Variants in MICA observed in about 807,000 individuals in gnomAD.
MICA encodes the protein HLA class I antigen.
In MICA, 18 loss-of-function variants were observed where a neutral mutation model predicts 34.3. The observed-to-expected ratio is 0.52, with a 90% CI of 0.36 to 0.78. The LOEUF (loss-of-function observed/expected upper bound fraction) is 0.78, where lower values mean the gene tolerates loss of function less well. Ranked by LOEUF, MICA falls within the 30% of genes least tolerant of loss-of-function variation. The pLI is 0.00. For missense variants in MICA, 333 were observed against 409.4 expected (o/e 0.81, Z 1.61); for synonymous variants, 135 against 156.9 (o/e 0.86, Z 1.04).
intron 5 of MICA, among the ~76,000 whole-genome samples, chr6:31,413,964 T>C (rs1771359694): frequency 6.6e-6 from 1 of 152,086 alleles, no homozygotes; most frequent in Non-Finnish European, 1.5e-5. Context: ...GTGAAGCATA[T>C]TATATGAAAC....
At chr6:31,413,068 G>A (rs1208797217) in intron 5 of MICA, among the ~76,000 whole-genome samples, 1 of 151,782 alleles carries the variant, frequency 6.6e-6, no homozygotes, top group African/African-American at 2.4e-5. Flanking sequence ...GGCCATCTCT[G>A]TCCACTTTGC....
intron 2 of MICA, 132 bp from the exon 3 acceptor site, chr6:31,410,940 T>G (rs1771098610): frequency 9.5e-6 from 14 of 1,465,970 alleles, no homozygotes; most frequent in Non-Finnish European, 1.3e-5. Context: ...AGCAGGGAGG[T>G]GAGCCGGCAC....
chr6:31,410,948 C>A (rs1222228168), intron 2 of MICA, 124 bp from the exon 3 acceptor site: 28 of 1,466,464 alleles, frequency 1.9e-5, no homozygotes, highest in Non-Finnish European at 2.5e-5. Flanking sequence ...GGTGAGCCGG[C>A]ACTCAGCCCA....
In MICA at chr6:31,407,638, G is replaced by A. The variant is rs928730718; in HGVS notation, c.71-2905G>A. On this transcript the variant is annotated intron_variant, in intron 1 of 5. Coordinates refer to ENST00000449934, the MANE Select transcript of MICA (RefSeq NM_001177519.3). ...TTTGTAGCTATTGTAAATGGGATTCGTTTCTTGATTTCTTTTTCAGATTAT... is the reference window on the plus strand; with the variant it reads ...TTTGTAGCTATTGTAAATGGGATTCATTTCTTGATTTCTTTTTCAGATTAT... Among the ~76,000 whole-genome samples, 23 of 151,902 alleles carry A rather than the reference G, an allele frequency of 1.5e-4. 1 individual carries two copies. Among genetic ancestry groups the A allele is most frequent in the African/African-American group, 4.6e-4 (19 of 41,286 alleles).
At chr6:31,402,836 G>T (rs939485308), upstream of MICA, among the ~76,000 whole-genome samples, 6 of 151,706 alleles carry the variant, frequency 4.0e-5, no homozygotes, top group Non-Finnish European at 7.4e-5. Flanking sequence ...GGCTGGAAAA[G>T]GGAGTCTGGA....
intron 1 of MICA, among the ~76,000 whole-genome samples, chr6:31,410,304 C>A (rs1771025037): frequency 6.6e-6 from 1 of 151,948 alleles, no homozygotes; most frequent in South Asian, 2.1e-4. Flanking sequence ...TTGTGGCCAC[C>A]CAGTCCTTGC....
chr6:31,412,091 G>C lies in MICA; in HGVS notation c.758G>C (p.Trp253Ser), dbSNP rs72558175. 177 of 1,613,094 alleles carry C rather than the reference G, an allele frequency of 1.1e-4. No individual in the cohort carries two copies. In the African/African-American group the frequency reaches 1.8e-3, roughly 16 times the overall value. ...GVSLSHDTQQ[W>S]GDVLPDGNGT... ...TCTTTGAGCCACGACACCCAGCAGTGGGGGGATGTCCTGCCTGATGGGAAT... is the reference window on the plus strand; with the variant it reads ...TCTTTGAGCCACGACACCCAGCAGTCGGGGGATGTCCTGCCTGATGGGAAT... Residue 253 changes from tryptophan (W) to serine (S), a missense_variant, in exon 4 of 6, where the codon TGG (tryptophan) becomes TCG (serine). By Grantham distance (177) the Trp-to-Ser change is radical. Transcript: ENST00000449934.
At position 31,406,934 on chromosome 6, in the gene MICA, A is replaced by T. The variant is rs1770778315; in HGVS notation, c.70+3232A>T. Reference sequence around the variant, plus strand: ...GTGTGTCTGTTTTTATGCCAGTATCATGCTGTTTTGGTTACTGTAGCTCTG... The same window carrying T: ...GTGTGTCTGTTTTTATGCCAGTATCTTGCTGTTTTGGTTACTGTAGCTCTG... On this transcript the variant is annotated intron_variant, in intron 1 of 5. Transcript: ENST00000449934. Among the ~76,000 whole-genome samples the T allele has an allele frequency of 3.9e-5, 6 of 152,018 alleles. No homozygotes were observed. The South Asian group carries it at 1.2e-3, about 32-fold the overall frequency.
Position 31,411,070 on chromosome 6 carries a change from A to G in MICA, c.326-2A>G. 1 of 1,583,988 alleles carries G rather than the reference A, an allele frequency of 6.3e-7. No homozygotes were observed. Among genetic ancestry groups the G allele is most frequent in the South Asian group, 1.1e-5 (1 of 87,120 alleles). On this transcript the variant is annotated splice_acceptor_variant, in intron 2 of 5. Coordinates refer to ENST00000449934, the MANE Select transcript of MICA (RefSeq NM_001177519.3). LOFTEE classifies it high-confidence loss of function. This position sits in a 1 kb window ranked among gnomAD's most constrained non-coding sequence, Gnocchi z 4.3. ...GGAGAAGTCACTGCTGGGTGGGGGC[A>G]GGCTTGCATTCCCTCCAGGAGATTA...
Position 31,411,163 on chromosome 6 carries a change from C to A in MICA, c.417C>A (p.Leu139=), listed in dbSNP as rs754596138. The change falls in exon 3 of 6, where the codon CTC becomes CTA. Residue 139 remains leucine, a synonymous_variant. Transcript: ENST00000449934. The surrounding 1 kb of genome is among the most constrained non-coding windows in gnomAD (Gnocchi z 4.3). ...SSQHFYYDGE[L]FLSQNLETEE... is the part of the protein sequence containing the mutation. ...AGCATTTCTACTACGATGGGGAGCT[C>A]TTCCTCTCCCAAAACCTGGAGACTG... The A allele has an allele frequency of 6.2e-7, 1 of 1,613,038 alleles. No individual in the cohort carries two copies. Among genetic ancestry groups the A allele is most frequent in the Non-Finnish European group, 8.5e-7 (1 of 1,179,884 alleles).
Position 31,403,830 on chromosome 6 carries a change from C to T in MICA, c.70+128C>T. 2 of 816,834 alleles carry T rather than the reference C, an allele frequency of 2.4e-6. No homozygotes were observed. Among genetic ancestry groups the T allele is most frequent in the Non-Finnish European group, 3.7e-6 (2 of 540,362 alleles). The allele number at this position is 816,834 out of a possible 1,614,324, so 50.6% of individuals were successfully genotyped here. ...TGTGCCCTGTCGGTGGCGCAGGGAG[C>T]TGGACGCGGCCCGTTACCGCCACAC... On this transcript the variant is annotated intron_variant, in intron 1 of 5. Transcript: ENST00000449934. This position sits in a 1 kb window ranked among gnomAD's most constrained non-coding sequence, Gnocchi z 4.7.
At position 31,410,945 on chromosome 6, in the gene MICA, C is replaced by T. The variant is rs1379814150; in HGVS notation, c.326-127C>T. 31 of 1,466,228 alleles carry T rather than the reference C, an allele frequency of 2.1e-5. No homozygotes were observed. The East Asian group carries it at 2.5e-4, about 12-fold the overall frequency. 90.8% of individuals were successfully genotyped at this position (1,466,228 alleles called of 1,614,324 possible). On this transcript the variant is annotated intron_variant, in intron 2 of 5. Transcript: ENST00000449934. ...AGTGGAACTCAGCAGGGAGGTGAGC[C>T]GGCACTCAGCCCACACAGGGAGGCA...
At position 31,412,909 on chromosome 6, in the gene MICA, C is replaced by T. The variant is rs528396561; in HGVS notation, c.*29+449C>T. Among the ~76,000 whole-genome samples, 6 of 151,938 alleles carry T rather than the reference C, an allele frequency of 3.9e-5. No homozygotes were observed. In the East Asian group the frequency reaches 9.7e-4, roughly 25 times the overall value. ...AGGAATCTGAGGAGAGGCGGTGCCC[C>T]TATTCCCTTCCTCTCTGCATCCCCC... On this transcript the variant is annotated intron_variant, in intron 5 of 5. Coordinates refer to ENST00000449934, the MANE Select transcript of MICA (RefSeq NM_001177519.3).
At chr6:31,405,165 C>T (rs1222608877) in intron 1 of MICA, among the ~76,000 whole-genome samples, 1 of 150,552 alleles carries the variant, frequency 6.6e-6, no homozygotes, top group African/African-American at 2.5e-5. Context: ...CCCTCCCCAA[C>T]CCAGACCTAA....
In MICA at chr6:31,415,165, G is replaced by A; in HGVS notation, c.*183G>A. ...ACTCTACAGCCAGGCGGCTGGAATT[G>A]AATTCCCTGCCTGGATCTCACAAGC... On this transcript the variant is annotated 3_prime_UTR_variant, in exon 6 of 6. Coordinates refer to ENST00000449934, the MANE Select transcript of MICA (RefSeq NM_001177519.3). 1.2e-6 allele frequency: 1 copy of A among 865,218 alleles called. No homozygotes were observed. Among genetic ancestry groups the A allele is most frequent in the Non-Finnish European group, 1.9e-6 (1 of 518,330 alleles). 53.6% of individuals were successfully genotyped at this position (865,218 alleles called of 1,614,324 possible).
At chr6:31,405,947 A>G (rs1770724962) in intron 1 of MICA, among the ~76,000 whole-genome samples, 1 of 151,902 alleles carries the variant, frequency 6.6e-6, no homozygotes, top group Non-Finnish European at 1.5e-5. Context: ...GCGTCTGTTG[A>G]TGGACACTTA....
upstream of MICA, among the ~76,000 whole-genome samples, chr6:31,402,585 G>C (rs1208472386): frequency 6.6e-6 from 1 of 151,882 alleles, no homozygotes; most frequent in Non-Finnish European, 1.5e-5. Context: ...AATCTAGGCT[G>C]AAGGGAGGGG....
chr6:31,411,696 A>G lies in MICA; in HGVS notation c.614-251A>G, dbSNP rs988022002. 2.0e-5 allele frequency among the ~76,000 whole-genome samples: 3 copies of G among 151,738 alleles called. No homozygotes were observed. Among genetic ancestry groups the G allele is most frequent in the African/African-American group, 7.3e-5 (3 of 41,258 alleles). ...CTGGAGAGTTCCCTCCTGGCCCCAC[A>G]ACCCAGGAGTCCACCCCTGACATCC... On this transcript the variant is annotated intron_variant, in intron 3 of 5. Coordinates refer to ENST00000449934, the MANE Select transcript of MICA (RefSeq NM_001177519.3). This position sits in a 1 kb window ranked among gnomAD's most constrained non-coding sequence, Gnocchi z 4.3.
At chr6:31,413,633 G>A (rs1298668202) in intron 5 of MICA, among the ~76,000 whole-genome samples, 4 of 151,802 alleles carry the variant, frequency 2.6e-5, no homozygotes, top group Non-Finnish European at 5.9e-5. Context: ...ACTGTCAATC[G>A]GCCCCTCAGG....
Sources: gnomAD v4.1 joint callset for allele counts (sites outside exome capture counted in the v4.1 genomes callset) on GRCh38, gnomAD v4.1.1 for gene constraint, Gnocchi (gnomAD v3.1) non-coding constraint, MANE v1.5 for transcripts, NCBI Gene and HGNC (gene_info 2026-07-23, HGNC 2026-07-21) for gene names.